UTRN: variants seen among roughly 807,000 people sequenced by gnomAD.
UTRN encodes dystrophin-related protein 1.
UTRN carries 283 observed loss-of-function variants against 463.9 expected under a neutral mutation model. The ratio of observed to expected loss-of-function variants is 0.61; its 90% confidence interval spans 0.55 to 0.67. UTRN has a LOEUF of 0.67. Among genes scored for constraint, UTRN ranks in the 30% least tolerant of loss-of-function variants. UTRN has a pLI of 0.00. For synonymous variants in UTRN, 1,442 were observed against 1,431.5 expected (o/e 1.01, Z -0.17); for missense variants, 3,922 against 4,084.3 (o/e 0.96, Z 1.08).
intron 57 of UTRN, among the ~76,000 whole-genome samples, chr6:144,756,579 C>T (rs1384893826): frequency 6.6e-6 from 1 of 152,086 alleles, no homozygotes; most frequent in African/African-American, 2.4e-5. Flanking sequence ...TGGACTTCAG[C>T]CATGGTTATA....
At chr6:144,289,227 A>T (rs1417698817) in intron 1 of UTRN, among the ~76,000 whole-genome samples, 1 of 152,174 alleles carries the variant, frequency 6.6e-6, no homozygotes, top group African/African-American at 2.4e-5. Flanking sequence ...AATGACTCAC[A>T]CTTCACCTAA....
intron 63 of UTRN, among the ~76,000 whole-genome samples, chr6:144,794,349 T>C (rs1777030713): frequency 6.6e-6 from 1 of 152,172 alleles, no homozygotes; most frequent in Non-Finnish European, 1.5e-5. Context: ...TTTGGACCTG[T>C]GTCTGCTGTT....
chr6:144,444,489 AAT>A (rs1787474910), intron 14 of UTRN, 107 bp downstream of exon 14: 3 of 616,020 alleles, frequency 4.9e-6, no homozygotes, highest in Non-Finnish European at 7.6e-6. Flanking sequence ...TTGAAAGGAA[AAT>A]ATATAAATAA....
intron 51 of UTRN, among the ~76,000 whole-genome samples, chr6:144,613,865 T>C (rs921967055): frequency 3.9e-5 from 6 of 152,124 alleles, no homozygotes; most frequent in Non-Finnish European, 2.9e-5. Flanking sequence ...AAATTAAATA[T>C]ATATACACGC....
At chr6:144,378,465 G>A (rs144897920) in intron 2 of UTRN, among the ~76,000 whole-genome samples, 2,155 of 152,326 alleles carry the variant, frequency 0.014, 34 homozygotes, top group Non-Finnish European at 0.022. Context: ...TGCCTTTAGA[G>A]ACTGGAGGAG....
At chr6:144,655,863 T>C (rs1779262643) in intron 51 of UTRN, among the ~76,000 whole-genome samples, 1 of 152,260 alleles carries the variant, frequency 6.6e-6, no homozygotes, top group Non-Finnish European at 1.5e-5. Context: ...ATATGAAATA[T>C]AGTTTTTAAG....
intron 51 of UTRN, among the ~76,000 whole-genome samples, chr6:144,581,750 C>G (rs1194189897): frequency 6.6e-6 from 1 of 152,114 alleles, no homozygotes; most frequent in African/African-American, 2.4e-5. Context: ...TCATTTGTTT[C>G]TAGTCTATTC....
At chr6:144,745,350 A>G (rs1790602265) in intron 54 of UTRN, among the ~76,000 whole-genome samples, 1 of 151,860 alleles carries the variant, frequency 6.6e-6, no homozygotes, top group African/African-American at 2.4e-5. Context: ...TCATACCTTC[A>G]TATTTCACAT....
intron 51 of UTRN, among the ~76,000 whole-genome samples, chr6:144,591,630 T>G (rs1803082620): frequency 1.3e-5 from 2 of 152,192 alleles, no homozygotes; most frequent in Non-Finnish European, 2.9e-5. Flanking sequence ...CAAACATGGT[T>G]GCTTAGTAGA....
chr6:144,320,809 G>A (rs1775589390), intron 2 of UTRN, among the ~76,000 whole-genome samples: 1 of 152,202 alleles, frequency 6.6e-6, no homozygotes, highest in Non-Finnish European at 1.5e-5. Flanking sequence ...ACTAGCATGT[G>A]CCTCATTTAA....
intron 2 of UTRN, among the ~76,000 whole-genome samples, chr6:144,365,180 G>A (rs982779977): frequency 6.6e-6 from 1 of 152,176 alleles, no homozygotes; most frequent in East Asian, 1.9e-4. Flanking sequence ...AGAATTGAGA[G>A]TGGTGGATAA....
intron 2 of UTRN, among the ~76,000 whole-genome samples, chr6:144,392,720 G>A (rs1392712913): frequency 6.6e-6 from 1 of 152,164 alleles, no homozygotes; most frequent in African/African-American, 2.4e-5. Flanking sequence ...ACTGGAATAT[G>A]TGTGTCTTAC....
At chr6:144,346,692 G>A (rs868609648) in intron 2 of UTRN, among the ~76,000 whole-genome samples, 13 of 151,880 alleles carry the variant, frequency 8.6e-5, no homozygotes, top group South Asian at 2.1e-4. Context: ...GTGTGGTGGT[G>A]GGTGCCTGAA....
At chr6:144,583,602 T>C in intron 51 of UTRN, 1 of 692,496 alleles carries the variant, frequency 1.4e-6, no homozygotes, top group Non-Finnish European at 2.7e-6. Flanking sequence ...CTCTGTAAGG[T>C]AACTGAGTGA....
chr6:144,776,591 C>T (rs760787088), intron 60 of UTRN, among the ~76,000 whole-genome samples: 6 of 152,132 alleles, frequency 3.9e-5, no homozygotes, highest in Non-Finnish European at 8.8e-5. Context: ...ACAAAAGATT[C>T]CTGCTGCCCT....
chr6:144,380,374 C>T (rs527963211), intron 2 of UTRN, among the ~76,000 whole-genome samples: 1 of 152,092 alleles, frequency 6.6e-6, no homozygotes, highest in Non-Finnish European at 1.5e-5. Flanking sequence ...TATCTCTGGG[C>T]AGAGGGAAAA....
At chr6:144,798,464 G>A (rs1777425411) in intron 64 of UTRN, among the ~76,000 whole-genome samples, 1 of 152,170 alleles carries the variant, frequency 6.6e-6, no homozygotes, top group South Asian at 2.1e-4. Flanking sequence ...TTCCCATGAG[G>A]AGCACTGCTA....
intron 2 of UTRN, among the ~76,000 whole-genome samples, chr6:144,347,311 A>C (rs1285749382): frequency 6.6e-6 from 1 of 152,222 alleles, no homozygotes; most frequent in Non-Finnish European, 1.5e-5. Flanking sequence ...GTAGCTTGTC[A>C]AAAGCCAGCC....
chr6:144,721,598 A>T (rs907114534), intron 53 of UTRN, among the ~76,000 whole-genome samples: 44 of 152,200 alleles, frequency 2.9e-4, no homozygotes, highest in Middle Eastern at 3.4e-3. Flanking sequence ...TTCACTTTAT[A>T]CAATTTGTCT....
Sources: allele counts gnomAD v4.1 joint callset (sites outside exome capture counted in the v4.1 genomes callset), GRCh38; gene constraint gnomAD v4.1.1; transcripts MANE v1.5; gene names NCBI Gene and HGNC (gene_info 2026-07-23, HGNC 2026-07-21).